The following CHSY1 variants were observed in gnomAD, a reference collection of about 807,000 sequenced individuals.
The protein encoded by CHSY1 is chondroitin sulfate synthase 1.
In CHSY1, 13 loss-of-function variants were observed where a neutral mutation model predicts 59.8. That is an observed-to-expected ratio of 0.22 (90% CI 0.14 to 0.35). The LOEUF (loss-of-function observed/expected upper bound fraction) is 0.35. Among genes scored for constraint, CHSY1 ranks in the 10% least tolerant of loss-of-function variants. The pLI, the probability that CHSY1 is intolerant of heterozygous loss-of-function variation, is 1.00. For synonymous variants in CHSY1, 459 were observed against 401.2 expected (o/e 1.14, Z -1.72); for missense variants, 947 against 1,030.6 (o/e 0.92, Z 1.11).
At chr15:101,224,577 G>T (rs2038821334) in intron 2 of CHSY1, among the ~76,000 whole-genome samples, 1 of 152,152 alleles carries the variant, frequency 6.6e-6, no homozygotes, top group Non-Finnish European at 1.5e-5. Flanking sequence ...CAGATCACTG[G>T]ACTCCACCTG....
rs2038254358 is a variant in CHSY1 at position 101,180,022 on chromosome 15, T to G, written c.817-1042A>C. On this transcript the variant is annotated intron_variant, in intron 2 of 2. Coordinates refer to ENST00000254190, the MANE Select transcript of CHSY1 (RefSeq NM_014918.5). ...TGTTTCTTTCAAGTTCATGGTTGTTTTTTGTTCATATTGTTAAAGACTAAC... is the reference window on the plus strand; with the variant it reads ...TGTTTCTTTCAAGTTCATGGTTGTTGTTTGTTCATATTGTTAAAGACTAAC... Among the ~76,000 whole-genome samples, 5 of 152,246 alleles carry G rather than the reference T, an allele frequency of 3.3e-5. No homozygotes were observed. The South Asian group carries it at 1.0e-3, about 31-fold the overall frequency.
chr15:101,234,403 A>C (rs72768580), intron 2 of CHSY1, among the ~76,000 whole-genome samples: 4 of 152,110 alleles, frequency 2.6e-5, no homozygotes. Context: ...AGGCCTTTGC[A>C]AAAACAAATA....
Position 101,219,124 on chromosome 15 carries a change from C to A in CHSY1, c.816+15958G>T, listed in dbSNP as rs777275527. 3.3e-5 allele frequency among the ~76,000 whole-genome samples: 5 copies of A among 152,196 alleles called. No homozygotes were observed. The South Asian group carries it at 1.0e-3, about 32-fold the overall frequency. ...ACGGAAGCAGAGGCTTAGAAGAATG[C>A]AGTTTAAATGGGGTTTCTCTCTATA... On this transcript the variant is annotated intron_variant, in intron 2 of 2. Coordinates refer to ENST00000254190, the MANE Select transcript of CHSY1 (RefSeq NM_014918.5).
intron 2 of CHSY1, among the ~76,000 whole-genome samples, chr15:101,185,699 CTTTTTTTTTT>C (rs10556870): frequency 8.2e-6 from 1 of 121,358 alleles, no homozygotes; most frequent in African/African-American, 3.2e-5. Context: ...CTCGAAATAT[CTTTTTTTTTT>C]TTTTTTTTTT....
At chr15:101,191,635 G>T (rs1291511336) in intron 2 of CHSY1, among the ~76,000 whole-genome samples, 2 of 152,186 alleles carry the variant, frequency 1.3e-5, no homozygotes. Flanking sequence ...TCTGGTACAA[G>T]GTGTCCATAT....
intron 2 of CHSY1, among the ~76,000 whole-genome samples, chr15:101,223,134 C>A (rs2038807419): frequency 6.6e-6 from 1 of 152,310 alleles, no homozygotes; most frequent in South Asian, 2.1e-4. Flanking sequence ...GCTGGGATTA[C>A]AGGCACCCAC....
rs113441153 is a variant in CHSY1 at position 101,204,294 on chromosome 15, C to T, written c.817-25314G>A. ...ACTAAAAATACAAAAATTAGCTGGG[C>T]GTGGTGGCGTGCACCTGTAATCCCA... On this transcript the variant is annotated intron_variant, in intron 2 of 2. Coordinates refer to ENST00000254190, the MANE Select transcript of CHSY1 (RefSeq NM_014918.5). 3.5e-3 allele frequency among the ~76,000 whole-genome samples: 535 copies of T among 152,028 alleles called. 3 individuals carry two copies. The highest frequency in any genetic ancestry group is 4.8e-3 in the Non-Finnish European group (326 of 67,970).
chr15:101,205,126 A>C (rs1011570109), intron 2 of CHSY1, among the ~76,000 whole-genome samples: 1 of 152,128 alleles, frequency 6.6e-6, no homozygotes, highest in African/African-American at 2.4e-5. Flanking sequence ...ATTAAGCTTA[A>C]AGTTCTAATA....
chr15:101,246,077 T>C (rs1308572408), intron 1 of CHSY1, among the ~76,000 whole-genome samples: 1 of 152,224 alleles, frequency 6.6e-6, no homozygotes, highest in African/African-American at 2.4e-5. Context: ...TCACTGATAA[T>C]AGTATCCTGA....
intron 1 of CHSY1, among the ~76,000 whole-genome samples, chr15:101,245,765 T>C (rs8038272): frequency 0.29 from 43,731 of 152,112 alleles, 8,447 homozygotes; most frequent in African/African-American, 0.55. Flanking sequence ...ACACTCATTT[T>C]CAGAGCCACA....
intron 2 of CHSY1, among the ~76,000 whole-genome samples, chr15:101,194,335 T>G (rs547855360): frequency 1.3e-5 from 2 of 152,096 alleles, no homozygotes; most frequent in South Asian, 4.1e-4. Context: ...TTTCTTAGCC[T>G]GTTTGTGTGT....
chr15:101,182,009 A>G (rs1195847783), intron 2 of CHSY1, among the ~76,000 whole-genome samples: 4 of 152,272 alleles, frequency 2.6e-5, no homozygotes, highest in African/African-American at 9.6e-5. Flanking sequence ...AAGGAAGAGT[A>G]AATACACTTA....
At chr15:101,214,702 T>C (rs1225312604) in intron 2 of CHSY1, among the ~76,000 whole-genome samples, 1 of 100,732 alleles carries the variant, frequency 9.9e-6, no homozygotes, top group Non-Finnish European at 2.0e-5. Context: ...TTCTCATGCA[T>C]AGGTGGGAGG....
rs1392510671 is a variant in CHSY1, at chr15:101,251,276, C to T, written c.181G>A (p.Ala61Thr). 2 of 1,292,138 alleles carry T rather than the reference C, an allele frequency of 1.5e-6. No homozygotes were observed. Among genetic ancestry groups the T allele is most frequent in the Non-Finnish European group, 9.8e-7 (1 of 1,023,548 alleles). The allele number at this position is 1,292,138 out of a possible 1,614,324, so 80.0% of individuals were successfully genotyped here. Residue 61 changes from alanine (A) to threonine (T), a missense_variant, in exon 1 of 3, where the codon GCG becomes ACG. This residue lies in a region of CHSY1 where 232 missense variants were observed against 188.5 expected (regional missense o/e 1.23). Transcript: ENST00000254190. Reference sequence around the variant, plus strand: ...TGCGCCCCGCGCGCATCGCCGCGCGCCCCGCCGGCCTGGGAAGCCGCCGCC... The same window carrying T: ...TGCGCCCCGCGCGCATCGCCGCGCGTCCCGCCGGCCTGGGAAGCCGCCGCC... ...GQAAASQAGGARGDARGAQLW... is the reference protein window; with the variant it reads ...GQAAASQAGGTRGDARGAQLW...
intron 2 of CHSY1, among the ~76,000 whole-genome samples, chr15:101,221,105 T>C (rs187711706): frequency 2.6e-5 from 4 of 152,286 alleles, no homozygotes; most frequent in Admixed American, 2.0e-4. Flanking sequence ...AACAAATGCA[T>C]TGAGAGAATA....
Position 101,221,164 on chromosome 15 carries a change from C to T in CHSY1, c.816+13918G>A, listed in dbSNP as rs561263706. ...GCAGCCCCTATGCCTATAGCAGGGC[C>T]TGTCACACGCAGGTACGCAGACAAA... On this transcript the variant is annotated intron_variant, in intron 2 of 2. Coordinates refer to ENST00000254190, the MANE Select transcript of CHSY1 (RefSeq NM_014918.5). Among the ~76,000 whole-genome samples the T allele has an allele frequency of 4.8e-4, 73 of 152,282 alleles. 1 individual carries two copies. Among genetic ancestry groups the T allele is most frequent in the Non-Finnish European group, 4.7e-4 (32 of 68,026 alleles).
In CHSY1 at chr15:101,251,471, G is replaced by A. The variant is rs2039111741; in HGVS notation, c.-15C>T. ...CGCGCGGCCATGCCCGCGCCGCTCCGCCCGCCGGGCCGCCGCCGCAGGCTC... is the reference window on the plus strand; with the variant it reads ...CGCGCGGCCATGCCCGCGCCGCTCCACCCGCCGGGCCGCCGCCGCAGGCTC... On this transcript the variant is annotated 5_prime_UTR_variant, in exon 1 of 3. Coordinates refer to ENST00000254190, the MANE Select transcript of CHSY1 (RefSeq NM_014918.5). 7 of 945,080 alleles carry A rather than the reference G, an allele frequency of 7.4e-6. No homozygotes were observed. The South Asian group carries it at 1.4e-4, about 19-fold the overall frequency. 58.5% of individuals were successfully genotyped at this position (945,080 alleles called of 1,614,324 possible).
chr15:101,177,267 T>C lies in CHSY1; in HGVS notation c.*121A>G. 1 of 893,646 alleles carries C rather than the reference T, an allele frequency of 1.1e-6. No homozygotes were observed. The highest frequency in any genetic ancestry group is 1.8e-5 in the South Asian group (1 of 55,544). 55.4% of individuals were successfully genotyped at this position (893,646 alleles called of 1,614,324 possible). A position where few individuals can be genotyped will look rare whatever the true frequency, so the allele number is the denominator to read the frequency against. ...AGAAAGCTCAATCTTAAAGGAGTCC[T>C]ATGTAAGAAAACCACTTGTAAAATA... On this transcript the variant is annotated 3_prime_UTR_variant, in exon 3 of 3. Coordinates refer to ENST00000254190, the MANE Select transcript of CHSY1 (RefSeq NM_014918.5).
intron 2 of CHSY1, among the ~76,000 whole-genome samples, chr15:101,207,859 C>T (rs2038642952): frequency 1.3e-5 from 2 of 152,248 alleles, no homozygotes; most frequent in Admixed American, 6.5e-5. Context: ...AAGTAAAAAG[C>T]CACTAGTGGG....
Sources: gnomAD v4.1 joint callset for allele counts (sites outside exome capture counted in the v4.1 genomes callset) on GRCh38, gnomAD v4.1.1 for gene constraint, gnomAD v4.1.1 regional missense constraint, MANE v1.5 for transcripts, NCBI Gene and HGNC (gene_info 2026-07-23, HGNC 2026-07-21) for gene names.